TRPM3: variants seen among roughly 807,000 people sequenced by gnomAD.
The protein encoded by TRPM3 is long transient receptor potential channel 3.
In TRPM3, 77 loss-of-function variants were observed where a neutral mutation model predicts 181.2. The ratio of observed to expected loss-of-function variants is 0.42; its 90% CI spans 0.35 to 0.51. The LOEUF is 0.51. Among genes scored for constraint, TRPM3 ranks in the 20% least tolerant of loss-of-function variants. TRPM3 has a pLI of 0.01. For missense variants in TRPM3, 1,759 were observed against 2,196.7 expected, an observed-to-expected ratio of 0.80 and a Z score of 3.98; for synonymous variants, 745 against 796.4, an observed-to-expected ratio of 0.94 and a Z score of 1.09.
chr9:71,367,959 G>GTA (rs3041718), intron 1 of TRPM3, among the ~76,000 whole-genome samples: 2,184 of 138,350 alleles, frequency 0.016, 53 homozygotes, highest in East Asian at 0.11. Context: ...GTGTGTGTGT[G>GTA]TATATATATA....
At chr9:71,073,540 A>G (rs1344322637) in intron 1 of TRPM3, among the ~76,000 whole-genome samples, 1 of 152,174 alleles carries the variant, frequency 6.6e-6, no homozygotes, top group East Asian at 1.9e-4. Flanking sequence ...CCAGAGATGG[A>G]GCTTCAGCTA....
At chr9:70,694,332 G>A (rs1240066488) in intron 8 of TRPM3, among the ~76,000 whole-genome samples, 1 of 152,124 alleles carries the variant, frequency 6.6e-6, no homozygotes. Context: ...GATCTTTTAA[G>A]CTCTAGAAGC....
At chr9:70,918,227 T>A (rs1340214849) in intron 1 of TRPM3, among the ~76,000 whole-genome samples, 1 of 152,108 alleles carries the variant, frequency 6.6e-6, no homozygotes, top group African/African-American at 2.4e-5. Context: ...AGAAAGAAGA[T>A]CAGCAAAGAA....
At chr9:70,894,220 A>C (rs2096251302) in intron 1 of TRPM3, among the ~76,000 whole-genome samples, 1 of 152,182 alleles carries the variant, frequency 6.6e-6, no homozygotes. Context: ...TGTGTCTATG[A>C]AATGAACATA....
chr9:71,099,473 T>C (rs1565192955), intron 1 of TRPM3, among the ~76,000 whole-genome samples: 1 of 152,200 alleles, frequency 6.6e-6, no homozygotes, highest in African/African-American at 2.4e-5. Flanking sequence ...CTCACCATTA[T>C]ATTTAACTCA....
At chr9:70,985,115 T>A (rs564236893) in intron 1 of TRPM3, among the ~76,000 whole-genome samples, 1 of 152,294 alleles carries the variant, frequency 6.6e-6, no homozygotes, top group South Asian at 2.1e-4. Context: ...ATTATGCAAT[T>A]ATTACCTATG....
chr9:70,578,021 C>T (rs1377643285), intron 22 of TRPM3, among the ~76,000 whole-genome samples: 4 of 152,200 alleles, frequency 2.6e-5, no homozygotes, highest in Admixed American at 2.6e-4. Flanking sequence ...CAGACTTCAT[C>T]CCTTTGCTTC....
At chr9:71,064,431 T>A (rs1339339647) in intron 1 of TRPM3, among the ~76,000 whole-genome samples, 1 of 152,020 alleles carries the variant, frequency 6.6e-6, no homozygotes, top group Non-Finnish European at 1.5e-5. Context: ...GGTTTTTTTT[T>A]TTTTAGCCAC....
intron 1 of TRPM3, among the ~76,000 whole-genome samples, chr9:71,050,196 A>T (rs1312354383): frequency 1.3e-5 from 2 of 152,172 alleles, no homozygotes; most frequent in Non-Finnish European, 2.9e-5. Context: ...GGGGATTATG[A>T]CTTATTCACC....
chr9:70,694,721 C>A (rs1178722785), intron 8 of TRPM3, among the ~76,000 whole-genome samples: 3 of 152,190 alleles, frequency 2.0e-5, no homozygotes, highest in Non-Finnish European at 2.9e-5. Context: ...ACCTCGTGAT[C>A]CACCCGCCTC....
At chr9:71,110,036 A>G (rs181045520) in intron 1 of TRPM3, among the ~76,000 whole-genome samples, 24 of 152,286 alleles carry the variant, frequency 1.6e-4, no homozygotes, top group Non-Finnish European at 3.1e-4. Context: ...CTGAGACTGC[A>G]TCAATTTTTT....
intron 1 of TRPM3, among the ~76,000 whole-genome samples, chr9:70,984,209 G>T (rs13293692): frequency 0.056 from 8,488 of 152,186 alleles, 319 homozygotes; most frequent in East Asian, 0.1. Context: ...CTTATCTGAG[G>T]CAGATACAGT....
intron 1 of TRPM3, among the ~76,000 whole-genome samples, chr9:71,396,092 T>C (rs1231080296): frequency 6.6e-6 from 1 of 152,182 alleles, no homozygotes; most frequent in Non-Finnish European, 1.5e-5. Context: ...GAAACAACTA[T>C]TAGGATTAAA....
chr9:71,305,056 T>G (rs370336147), intron 1 of TRPM3, among the ~76,000 whole-genome samples: 62 of 152,206 alleles, frequency 4.1e-4, no homozygotes, highest in African/African-American at 1.3e-3. Context: ...ATTATACAGA[T>G]AAGAAACTGA....
At chr9:71,204,270 C>A (rs559045444) in intron 1 of TRPM3, among the ~76,000 whole-genome samples, 1 of 150,758 alleles carries the variant, frequency 6.6e-6, no homozygotes, top group Admixed American at 6.6e-5. Flanking sequence ...TCAGAGTGAA[C>A]AGGCAACCTA....
At chr9:70,765,390 AGGCCAGCCT>A (rs1344195443) in intron 7 of TRPM3, among the ~76,000 whole-genome samples, 1 of 152,150 alleles carries the variant, frequency 6.6e-6, no homozygotes, top group Non-Finnish European at 1.5e-5. Flanking sequence ...CAGGAGTTCA[AGGCCAGCCT>A]GGCCAACATA....
chr9:71,267,543 C>T (rs2083471801), intron 1 of TRPM3, among the ~76,000 whole-genome samples: 1 of 150,098 alleles, frequency 6.7e-6, no homozygotes, highest in South Asian at 2.1e-4. Context: ...ATTTGGAAGG[C>T]ACAAGGAGGC....
intron 1 of TRPM3, among the ~76,000 whole-genome samples, chr9:70,872,475 CA>C (rs1253029181): frequency 6.6e-6 from 1 of 151,942 alleles, no homozygotes; most frequent in African/African-American, 2.4e-5. Flanking sequence ...AGATATGCCA[CA>C]ATTCACCCTC....
At chr9:70,608,411 C>T (rs944219071) in intron 19 of TRPM3, among the ~76,000 whole-genome samples, 1 of 151,966 alleles carries the variant, frequency 6.6e-6, no homozygotes, top group African/African-American at 2.4e-5. Flanking sequence ...TCTCAGTTCG[C>T]AGGCCACAAT....
Sources: allele counts gnomAD v4.1 joint callset (sites outside exome capture counted in the v4.1 genomes callset), GRCh38; gene constraint gnomAD v4.1.1; transcripts MANE v1.5; gene names NCBI Gene and HGNC (gene_info 2026-07-23, HGNC 2026-07-21).